MDGA2: variants seen among roughly 807,000 people sequenced by gnomAD.
MDGA2 encodes MAM domain containing glycosylphosphatidylinositol anchor 2.
A neutral mutation model predicts 117.8 loss-of-function variants in MDGA2; 40 were observed. The ratio of observed to expected loss-of-function variants is 0.34; its 90% CI spans 0.26 to 0.44. The LOEUF (loss-of-function observed/expected upper bound fraction) is 0.44. Among genes scored for constraint, MDGA2 ranks in the 20% least tolerant of loss-of-function variants. The probability of loss-of-function intolerance (pLI) is 1.00; values close to 1 mark genes in which losing one functional copy is unlikely to be tolerated. For synonymous variants in MDGA2, 452 were observed against 439.0 expected, an observed-to-expected ratio of 1.03 and a Z score of -0.37; for missense variants, 1,123 against 1,250.6, an observed-to-expected ratio of 0.90 and a Z score of 1.54.
intron 1 of MDGA2, among the ~76,000 whole-genome samples, chr14:47,611,684 T>C (rs1896851391): frequency 6.6e-6 from 1 of 152,050 alleles, no homozygotes; most frequent in African/African-American, 2.4e-5. Flanking sequence ...AAAATGGCCA[T>C]AATCAAAAAA....
chr14:46,839,865 C>T (rs950563084), downstream of MDGA2, among the ~76,000 whole-genome samples: 1 of 151,894 alleles, frequency 6.6e-6, no homozygotes, highest in Non-Finnish European at 1.5e-5. Context: ...ACATTAAATT[C>T]CAGGTTCATA....
At chr14:46,919,549 C>A (rs1298089955) in intron 10 of MDGA2, among the ~76,000 whole-genome samples, 1 of 152,170 alleles carries the variant, frequency 6.6e-6, no homozygotes, top group Non-Finnish European at 1.5e-5. Flanking sequence ...ATTTCTATTT[C>A]TCAGACATAT....
intron 1 of MDGA2, among the ~76,000 whole-genome samples, chr14:47,384,818 G>T (rs986356195): frequency 6.6e-6 from 1 of 152,130 alleles, no homozygotes; most frequent in African/African-American, 2.4e-5. Flanking sequence ...AGCCCAGTAG[G>T]GTGGCCCAGA....
At chr14:47,178,334 T>A (rs186627483) in intron 3 of MDGA2, among the ~76,000 whole-genome samples, 18 of 152,272 alleles carry the variant, frequency 1.2e-4, no homozygotes, top group Admixed American at 1.1e-3. Flanking sequence ...GCATCTCTAC[T>A]CGGTCGAGGG....
intron 5 of MDGA2, among the ~76,000 whole-genome samples, chr14:47,126,533 C>T (rs1881913151): frequency 6.6e-6 from 1 of 152,000 alleles, no homozygotes; most frequent in Non-Finnish European, 1.5e-5. Context: ...ATGAGTTCCA[C>T]CACAATGCTA....
intron 10 of MDGA2, among the ~76,000 whole-genome samples, chr14:46,913,812 A>C (rs902233297): frequency 6.6e-6 from 1 of 152,140 alleles, no homozygotes; most frequent in Non-Finnish European, 1.5e-5. Flanking sequence ...CTATTAAACC[A>C]CTTACTTTTA....
chr14:47,662,921 T>C (rs1897876856), intron 1 of MDGA2, among the ~76,000 whole-genome samples: 2 of 152,172 alleles, frequency 1.3e-5, no homozygotes, highest in African/African-American at 2.4e-5. Context: ...AGAACAAAAT[T>C]AGTCAAAGGT....
intron 8 of MDGA2, among the ~76,000 whole-genome samples, chr14:46,982,606 G>A (rs1041866798): frequency 8.0e-5 from 12 of 150,038 alleles, no homozygotes; most frequent in Non-Finnish European, 1.8e-4. Context: ...CTACTTGGGA[G>A]GCTGAGACAG....
intron 2 of MDGA2, among the ~76,000 whole-genome samples, chr14:47,237,548 T>C (rs2139594031): frequency 6.6e-6 from 1 of 152,280 alleles, no homozygotes; most frequent in East Asian, 1.9e-4. Context: ...TGGTCACAGA[T>C]TGTCACTTAG....
chr14:47,102,999 G>A (rs1880430029), intron 5 of MDGA2, among the ~76,000 whole-genome samples: 2 of 152,136 alleles, frequency 1.3e-5, no homozygotes, highest in South Asian at 4.1e-4. Context: ...AAAGAACAAG[G>A]AAGGGGTAGG....
At chr14:47,390,805 C>T (rs1408715754) in intron 1 of MDGA2, among the ~76,000 whole-genome samples, 1 of 152,142 alleles carries the variant, frequency 6.6e-6, no homozygotes, top group East Asian at 1.9e-4. Context: ...TCCCTAACAT[C>T]TGCTCCTGGT....
intron 1 of MDGA2, among the ~76,000 whole-genome samples, chr14:47,559,930 T>C (rs1895763792): frequency 6.6e-6 from 1 of 152,154 alleles, no homozygotes; most frequent in Non-Finnish European, 1.5e-5. Flanking sequence ...AGTAATGGGA[T>C]TGCTGGGTCA....
chr14:46,932,397 G>C (rs1487382492), intron 9 of MDGA2, among the ~76,000 whole-genome samples: 1 of 151,766 alleles, frequency 6.6e-6, no homozygotes, highest in African/African-American at 2.4e-5. Flanking sequence ...TAAATGTTTA[G>C]ATATTCACAG....
chr14:46,901,572 A>G (rs1471265779), intron 10 of MDGA2, among the ~76,000 whole-genome samples: 3 of 152,196 alleles, frequency 2.0e-5, no homozygotes, highest in African/African-American at 7.2e-5. Flanking sequence ...TTACTGTACA[A>G]CCACTATGTG....
chr14:46,893,375 T>C (rs1311055827), intron 10 of MDGA2, among the ~76,000 whole-genome samples: 4 of 151,756 alleles, frequency 2.6e-5, no homozygotes, highest in Non-Finnish European at 5.9e-5. Context: ...AATGGAGAGA[T>C]GGAGGCCAAA....
At chr14:47,505,761 T>G (rs1894498003) in intron 1 of MDGA2, among the ~76,000 whole-genome samples, 2 of 152,200 alleles carry the variant, frequency 1.3e-5, no homozygotes, top group Non-Finnish European at 2.9e-5. Context: ...CAGAGTTAAT[T>G]TATCTATGGA....
At position 47,361,265 on chromosome 14, in the gene MDGA2, G is replaced by A. The variant is rs1403428934; in HGVS notation, c.281-59715C>T. On this transcript the variant is annotated intron_variant, in intron 1 of 16. Transcript: ENST00000399232. ...TTACAACACACAAATAAACATCAGA[G>A]TGCTTGTGTGCGCAGAGGTACAACC... Among the ~76,000 whole-genome samples the A allele has an allele frequency of 8.8e-5, 13 of 147,654 alleles. No individual in the cohort carries two copies. The East Asian group carries it at 2.4e-3, about 28-fold the overall frequency.
intron 1 of MDGA2, among the ~76,000 whole-genome samples, chr14:47,372,665 T>G (rs1891388913): frequency 6.6e-6 from 1 of 152,000 alleles, no homozygotes; most frequent in Non-Finnish European, 1.5e-5. Flanking sequence ...CAATATATAG[T>G]AAATTTAAGA....
intron 8 of MDGA2, among the ~76,000 whole-genome samples, chr14:47,016,093 C>T (rs766192150): frequency 6.6e-6 from 1 of 151,934 alleles, no homozygotes; most frequent in Non-Finnish European, 1.5e-5. Context: ...AAACTTATTT[C>T]TTTAATTGTA....
Sources: allele counts gnomAD v4.1 joint callset (sites outside exome capture counted in the v4.1 genomes callset), GRCh38; gene constraint gnomAD v4.1.1; transcripts MANE v1.5; gene names NCBI Gene and HGNC (gene_info 2026-07-23, HGNC 2026-07-21).